The following SYN1 variants were observed in gnomAD, a reference collection of about 807,000 sequenced individuals.
SYN1 encodes synapsin I.
A neutral mutation model predicts 44.6 loss-of-function variants in SYN1; 8 were observed. The ratio of observed to expected loss-of-function variants is 0.18; its 90% CI spans 0.11 to 0.32. The LOEUF (loss-of-function observed/expected upper bound fraction) is 0.32. Ranked by LOEUF, SYN1 falls within the 10% of genes least tolerant of loss-of-function variation. The probability of loss-of-function intolerance (pLI) is 1.00; values close to 1 mark genes in which losing one functional copy is unlikely to be tolerated. For missense variants in SYN1, 451 were observed against 639.4 expected, an observed-to-expected ratio of 0.71 and a Z score of 3.18; for synonymous variants, 275 against 280.1, an observed-to-expected ratio of 0.98 and a Z score of 0.18.
At chrX:47,573,873 C>T (rs1603050109) in intron 12 of SYN1, 129 bp downstream of exon 12, 1 of 610,497 alleles carries the variant, frequency 1.6e-6, no homozygotes, top group Admixed American at 5.3e-5. Flanking sequence ...TTGGCTCAGG[C>T]TGGAGAGAGT....
At chrX:47,590,700 A>AT (rs2057845013) in intron 5 of SYN1, among the ~76,000 whole-genome samples, 1 of 110,463 alleles carries the variant, frequency 9.1e-6, no homozygotes, top group African/African-American at 3.3e-5. Flanking sequence ...AAAGGATGCG[A>AT]TGGGGCCTTG....
At chrX:47,585,808 T>C in intron 5 of SYN1, 1 of 1,154,409 alleles carries the variant, frequency 8.7e-7, no homozygotes, top group Non-Finnish European at 1.1e-6. Context: ...CTGATCTCTC[T>C]TGCTATTTCC....
Position 47,574,713 on chromosome X carries a change from C to T in SYN1, c.1368G>A (p.Pro456=). 3 of 1,184,890 alleles carry T rather than the reference C, an allele frequency of 2.5e-6. No individual in the cohort carries two copies. The highest frequency in any genetic ancestry group is 3.4e-6 in the Non-Finnish European group (3 of 882,684). The change falls in exon 11 of 13, where the codon CCG becomes CCA. Residue 456 remains proline, a synonymous_variant. Coordinates refer to ENST00000295987, the MANE Select transcript of SYN1 (RefSeq NM_006950.3). ...CCTGTGGTGGGGGTCGCTGCTGAGC[C>T]GGGGGCCCTGCGGGCTGCTGGGAGG... is the stretch of plus-strand genomic sequence containing the variant. ...RQTSQQPAGP[P]AQQRPPPQGG... is the part of the protein sequence containing the mutation.
intron 1 of SYN1, among the ~76,000 whole-genome samples, chrX:47,608,175 T>C (rs925592052): frequency 2.3e-4 from 24 of 105,068 alleles, no homozygotes; most frequent in Non-Finnish European, 2.7e-4. Context: ...GCACTCCAGC[T>C]TGGGGAACAG....
chrX:47,612,192 G>A (rs2057918407), intron 1 of SYN1, among the ~76,000 whole-genome samples: 1 of 111,174 alleles, frequency 9.0e-6, no homozygotes. Context: ...TGGGGTTCTG[G>A]AGCAAAGCCA....
chrX:47,617,728 A>G (rs934386092), intron 1 of SYN1, among the ~76,000 whole-genome samples: 2 of 112,148 alleles, frequency 1.8e-5, no homozygotes, highest in African/African-American at 6.5e-5. Context: ...TTAAGAAAAC[A>G]ATTCTGGGGA....
intron 5 of SYN1, among the ~76,000 whole-genome samples, chrX:47,593,048 G>GTT (rs113437831): frequency 9.3e-6 from 1 of 107,330 alleles, no homozygotes; most frequent in African/African-American, 3.4e-5. Flanking sequence ...CTAATTTTGT[G>GTT]TTTTTTTTGT....
chrX:47,582,579 C>A, intron 5 of SYN1: 1 of 366,874 alleles, frequency 2.7e-6, no homozygotes. Context: ...GTCTACTCAG[C>A]TTGGCCTGCG....
intron 5 of SYN1, among the ~76,000 whole-genome samples, chrX:47,598,803 G>A (rs1374954539): frequency 9.0e-6 from 1 of 110,605 alleles, no homozygotes; most frequent in Non-Finnish European, 1.9e-5. Context: ...CTCCAGCCTG[G>A]GTGACAGAGT....
chrX:47,573,759 A>G (rs2057767389), intron 12 of SYN1, among the ~76,000 whole-genome samples: 2 of 110,083 alleles, frequency 1.8e-5, no homozygotes, highest in Non-Finnish European at 3.8e-5. Flanking sequence ...TTGAGGAGGA[A>G]TTCGAACTGA....
intron 5 of SYN1, among the ~76,000 whole-genome samples, chrX:47,602,627 C>T (rs1045737936): frequency 2.8e-5 from 3 of 108,345 alleles, no homozygotes; most frequent in Admixed American, 9.9e-5. Context: ...GGCGACAGAG[C>T]GAGACTCCTC....
chrX:47,586,369 C>G, intron 5 of SYN1: 2 of 1,079,979 alleles, frequency 1.9e-6, no homozygotes, highest in Non-Finnish European at 2.4e-6. Context: ...TGACATTTCC[C>G]TCAATGGGAG....
At chrX:47,612,344 G>T (rs1369908270) in intron 1 of SYN1, among the ~76,000 whole-genome samples, 3 of 110,285 alleles carry the variant, frequency 2.7e-5, no homozygotes, top group Non-Finnish European at 5.7e-5. Flanking sequence ...GTCCTGCTGG[G>T]CCCGCCAAAT....
chrX:47,606,753 T>TATA (rs1569330848), intron 3 of SYN1, among the ~76,000 whole-genome samples, 192 bp downstream of exon 3: 9 of 98,094 alleles, frequency 9.2e-5, no homozygotes, highest in African/African-American at 3.4e-4. Flanking sequence ...ATATATATAT[T>TATA]TTTTTTTAAA....
In SYN1 at chrX:47,585,471, G is replaced by A. The variant is rs746960391; in HGVS notation, c.775-7970C>T. 5.8e-5 allele frequency: 69 copies of A among 1,190,366 alleles called. No individual in the cohort carries two copies. In the African/African-American group the frequency reaches 8.2e-4, roughly 14 times the overall value. Reference sequence around the variant, plus strand: ...CCCAATTTCAGTCTATCAGAAGGCCGGGCCTTTGGCAGCTTGGCAGCTCAG... The same window carrying A: ...CCCAATTTCAGTCTATCAGAAGGCCAGGCCTTTGGCAGCTTGGCAGCTCAG... On this transcript the variant is annotated intron_variant, in intron 5 of 12. Coordinates refer to ENST00000295987, the MANE Select transcript of SYN1 (RefSeq NM_006950.3).
chrX:47,616,204 T>C (rs1459362555), intron 1 of SYN1, among the ~76,000 whole-genome samples: 1 of 111,036 alleles, frequency 9.0e-6, no homozygotes, highest in Admixed American at 9.6e-5. Flanking sequence ...TCTGTCCCTT[T>C]GTCCACCCCA....
At chrX:47,594,104 C>T (rs889210757) in intron 5 of SYN1, among the ~76,000 whole-genome samples, 5 of 110,274 alleles carry the variant, frequency 4.5e-5, no homozygotes, top group African/African-American at 1.7e-4. Flanking sequence ...CATGGTGGCA[C>T]GCACCTGTGG....
intron 5 of SYN1, among the ~76,000 whole-genome samples, chrX:47,595,778 C>G (rs973826954): frequency 2.7e-5 from 3 of 111,233 alleles, no homozygotes. Flanking sequence ...TATCTTTGGG[C>G]TGGGGCCGGG....
At chrX:47,615,286 A>G (rs2057928121) in intron 1 of SYN1, among the ~76,000 whole-genome samples, 1 of 111,708 alleles carries the variant, frequency 9.0e-6, no homozygotes, top group African/African-American at 3.3e-5. Context: ...AACTGGAATT[A>G]AAGTTTCAAT....
Sources: gnomAD v4.1 joint callset for allele counts (sites outside exome capture counted in the v4.1 genomes callset) on GRCh38, gnomAD v4.1.1 for gene constraint, MANE v1.5 for transcripts, NCBI Gene and HGNC (gene_info 2026-07-23, HGNC 2026-07-21) for gene names.